Variants in MYO18B observed in about 807,000 individuals in gnomAD.
MYO18B encodes unconventional myosin-XVIIIb.
MYO18B carries 204 observed loss-of-function variants against 273.0 expected under a neutral mutation model. That is an observed-to-expected ratio of 0.75 (90% CI 0.67 to 0.84). The LOEUF is 0.84. Among genes scored for constraint, MYO18B ranks in the 40% least tolerant of loss-of-function variants. The probability of loss-of-function intolerance (pLI) is 0.00; values close to 1 mark genes in which losing one functional copy is unlikely to be tolerated. For missense variants in MYO18B, 3,212 were observed against 3,287.6 expected (o/e 0.98, Z 0.56); for synonymous variants, 1,330 against 1,305.7 (o/e 1.02, Z -0.40).
chr22:25,837,256 GAGA>G (rs2089933466), intron 17 of MYO18B, among the ~76,000 whole-genome samples: 1 of 152,272 alleles, frequency 6.6e-6, no homozygotes, highest in Admixed American at 6.5e-5. Context: ...AGGCTTGGTA[GAGA>G]AGATGTCCAA....
chr22:25,824,941 G>A (rs200129701), intron 13 of MYO18B, among the ~76,000 whole-genome samples: 1 of 127,946 alleles, frequency 7.8e-6, no homozygotes, highest in African/African-American at 3.0e-5. Flanking sequence ...CACAGACACT[G>A]GCACACATAT....
rs12160382 is a variant in MYO18B at position 25,743,474 on chromosome 22, G to A, written c.-110+1181G>A. Among the ~76,000 whole-genome samples the A allele has an allele frequency of 1.3e-3, 193 of 152,108 alleles. 1 individual carries two copies. The highest frequency in any genetic ancestry group is 4.5e-3 in the African/African-American group (185 of 41,494). On this transcript the variant is annotated intron_variant, in intron 1 of 43. Coordinates refer to ENST00000335473, the MANE Select transcript of MYO18B (RefSeq NM_032608.7). ...AGTGGAGAGGAGAGAGAGAAAAGAAGGAAGAGGAGGAGGAGAAGGAGAAGA... is the reference window on the plus strand; with the variant it reads ...AGTGGAGAGGAGAGAGAGAAAAGAAAGAAGAGGAGGAGGAGAAGGAGAAGA...
chr22:25,780,252 A>AC, intron 9 of MYO18B, 54 bp downstream of exon 9: 2 of 1,548,312 alleles, frequency 1.3e-6, no homozygotes, highest in South Asian at 2.4e-5. Flanking sequence ...TGTGTCTCTA[A>AC]CCCCGGGACT....
the MYO18B span, among the ~76,000 whole-genome samples, chr22:26,042,338 GA>G: frequency 1.3e-5 from 2 of 152,212 alleles, no homozygotes; most frequent in African/African-American, 4.8e-5. Context: ...CACGGAACAT[GA>G]CGCCTAGTAG....
intron 39 of MYO18B, among the ~76,000 whole-genome samples, chr22:25,957,314 C>G (rs911086232): frequency 1.3e-5 from 2 of 152,190 alleles, no homozygotes; most frequent in Non-Finnish European, 2.9e-5. Context: ...TGTCCCCATT[C>G]CTGGGGCCAT....
Position 25,855,655 on chromosome 22 carries a change from A to G in MYO18B, c.3885+4076A>G, listed in dbSNP as rs372047961. On this transcript the variant is annotated intron_variant, in intron 21 of 43. Coordinates refer to ENST00000335473, the MANE Select transcript of MYO18B (RefSeq NM_032608.7). ...ATTTTCTTTATCCAGTCTATCACTG[A>G]TGGGCATTTAGGGTGATTCTATGTC... Among the ~76,000 whole-genome samples, 10 of 152,202 alleles carry G rather than the reference A, an allele frequency of 6.6e-5. No individual in the cohort carries two copies. In the East Asian group the frequency reaches 1.9e-3, roughly 29 times the overall value.
At chr22:25,790,067 C>T (rs1203197480) in intron 11 of MYO18B, among the ~76,000 whole-genome samples, 1 of 152,214 alleles carries the variant, frequency 6.6e-6, no homozygotes, top group East Asian at 1.9e-4. Flanking sequence ...GCAGGAGAAT[C>T]GCCTGAATCC....
chr22:25,997,428 G>A (rs1933409045), intron 40 of MYO18B, among the ~76,000 whole-genome samples: 1 of 151,850 alleles, frequency 6.6e-6, no homozygotes, highest in East Asian at 1.9e-4. Context: ...AGGCCCTTCT[G>A]GGCATGGGTC....
intron 11 of MYO18B, among the ~76,000 whole-genome samples, chr22:25,794,854 A>G (rs2087840437): frequency 6.6e-6 from 1 of 152,252 alleles, no homozygotes; most frequent in Non-Finnish European, 1.5e-5. Flanking sequence ...AGATCAAGAT[A>G]CAGAACATTC....
intron 22 of MYO18B, among the ~76,000 whole-genome samples, chr22:25,873,084 A>G (rs1355223955): frequency 6.6e-6 from 1 of 152,156 alleles, no homozygotes; most frequent in Non-Finnish European, 1.5e-5. Context: ...GGCCTGGCCC[A>G]GAAGCTTCAG....
At chr22:26,052,120 T>C in the MYO18B span, among the ~76,000 whole-genome samples, 1 of 152,246 alleles carries the variant, frequency 6.6e-6, no homozygotes, top group Non-Finnish European at 1.5e-5. Flanking sequence ...TGTATTTTTC[T>C]TCTTGTTGTT....
intron 42 of MYO18B, among the ~76,000 whole-genome samples, chr22:26,019,679 T>A (rs922251898): frequency 5.3e-5 from 8 of 152,320 alleles, no homozygotes; most frequent in African/African-American, 1.9e-4. Flanking sequence ...GCCTCACCAG[T>A]ATTAAAGAAC....
At chr22:25,889,379 G>T (rs905409471) in intron 25 of MYO18B, among the ~76,000 whole-genome samples, 1 of 152,058 alleles carries the variant, frequency 6.6e-6, no homozygotes, top group Non-Finnish European at 1.5e-5. Context: ...CAGAGGGTCC[G>T]ATGAAAGAGT....
intron 42 of MYO18B, among the ~76,000 whole-genome samples, chr22:26,010,195 C>T (rs1351440069): frequency 6.6e-6 from 1 of 152,198 alleles, no homozygotes; most frequent in African/African-American, 2.4e-5. Context: ...CCACTGCCAA[C>T]ACCTTTAAGT....
chr22:25,835,197 G>T (rs2089852335), intron 16 of MYO18B, 99 bp from the exon 17 acceptor site: 1 of 1,413,830 alleles, frequency 7.1e-7, no homozygotes, highest in South Asian at 1.5e-5. Flanking sequence ...TGACACTTGG[G>T]ACTTGGATGC....
the MYO18B span, among the ~76,000 whole-genome samples, chr22:26,050,406 C>T: frequency 6.6e-6 from 1 of 152,186 alleles, no homozygotes; most frequent in Non-Finnish European, 1.5e-5. Context: ...TTCAGCCATG[C>T]CTCTGTACCG....
chr22:26,029,699 G>A (rs1206604730), intron 43 of MYO18B, among the ~76,000 whole-genome samples: 1 of 152,080 alleles, frequency 6.6e-6, no homozygotes, highest in Non-Finnish European at 1.5e-5. Context: ...ATGCATGGTG[G>A]GCTTTGGAAC....
intron 10 of MYO18B, among the ~76,000 whole-genome samples, chr22:25,783,045 C>T (rs751556799): frequency 1.3e-5 from 2 of 152,314 alleles, no homozygotes; most frequent in African/African-American, 2.4e-5. Context: ...GTGACTGTAT[C>T]CCAGTGTTGT....
chr22:25,897,530 T>C (rs1365574898), intron 28 of MYO18B: 2 of 152,220 alleles, frequency 1.3e-5, no homozygotes, highest in African/African-American at 4.8e-5. Flanking sequence ...GTTTCCCTGA[T>C]GAAGGGGGAT....
Sources: allele counts gnomAD v4.1 joint callset (sites outside exome capture counted in the v4.1 genomes callset), GRCh38; gene constraint gnomAD v4.1.1; transcripts MANE v1.5; gene names NCBI Gene and HGNC (gene_info 2026-07-23, HGNC 2026-07-21).